The following JMJD1C variants were observed in gnomAD, a reference collection of about 807,000 sequenced individuals.
The protein encoded by JMJD1C is jumonji domain-containing protein 1C.
In JMJD1C, 31 loss-of-function variants were observed where a neutral mutation model predicts 245.3. The ratio of observed to expected loss-of-function variants is 0.13; its 90% CI spans 0.09 to 0.17. The LOEUF (loss-of-function observed/expected upper bound fraction) is 0.17, where lower values mean the gene tolerates loss of function less well. Among genes scored for constraint, JMJD1C ranks in the 10% least tolerant of loss-of-function variants. JMJD1C has a pLI of 1.00. For missense variants in JMJD1C, 2,691 were observed against 3,000.2 expected (o/e 0.90, Z 2.41); for synonymous variants, 1,057 against 1,017.4 (o/e 1.04, Z -0.74).
chr10:63,354,199 T>C (rs974550396), intron 2 of JMJD1C, among the ~76,000 whole-genome samples: 2 of 152,170 alleles, frequency 1.3e-5, no homozygotes, highest in Non-Finnish European at 2.9e-5. Context: ...ACAATATAAA[T>C]AGTAATCCAC....
intron 2 of JMJD1C, among the ~76,000 whole-genome samples, chr10:63,342,619 T>C (rs1943475803): frequency 6.6e-6 from 1 of 152,240 alleles, no homozygotes; most frequent in Non-Finnish European, 1.5e-5. Flanking sequence ...CTGATACAGG[T>C]ATTCTGGTAA....
intron 24 of JMJD1C, 146 bp downstream of exon 24, chr10:63,176,151 G>A (rs1215338690): frequency 2.0e-6 from 1 of 509,658 alleles, no homozygotes; most frequent in Admixed American, 3.4e-5. Flanking sequence ...CAAGCACTGA[G>A]ATGTCATTCT....
intron 24 of JMJD1C, among the ~76,000 whole-genome samples, chr10:63,172,850 G>C (rs985444648): frequency 6.7e-6 from 1 of 149,322 alleles, no homozygotes; most frequent in African/African-American, 2.5e-5. Flanking sequence ...TGGTGTGTGT[G>C]AAAGAAGCAA....
intron 3 of JMJD1C, among the ~76,000 whole-genome samples, chr10:63,238,189 A>AAAAAAG (rs1554850614): frequency 6.6e-5 from 9 of 135,710 alleles, no homozygotes; most frequent in Non-Finnish European, 9.3e-5. Flanking sequence ...TCAAAAAAAA[A>AAAAAAG]AAAAAAGAAA....
At chr10:63,381,337 C>T (rs962093926) in intron 1 of JMJD1C, among the ~76,000 whole-genome samples, 2 of 152,134 alleles carry the variant, frequency 1.3e-5, no homozygotes, top group Non-Finnish European at 2.9e-5. Context: ...GAGACTCTGA[C>T]TCTCACAAAA....
At chr10:63,188,100 T>C (rs1844344245) in intron 18 of JMJD1C, among the ~76,000 whole-genome samples, 1 of 152,248 alleles carries the variant, frequency 6.6e-6, no homozygotes, top group Non-Finnish European at 1.5e-5. Flanking sequence ...TAGACTAGCC[T>C]TTTTGAACTA....
intron 3 of JMJD1C, among the ~76,000 whole-genome samples, chr10:63,237,598 T>C (rs1304764937): frequency 6.6e-6 from 1 of 152,224 alleles, no homozygotes; most frequent in Non-Finnish European, 1.5e-5. Flanking sequence ...TTTGAGTCCA[T>C]CCACTTCCTT....
intron 1 of JMJD1C, among the ~76,000 whole-genome samples, chr10:63,515,973 T>C (rs1031041992): frequency 2.0e-5 from 3 of 152,166 alleles, no homozygotes; most frequent in East Asian, 1.9e-4. Flanking sequence ...TCTATGATTA[T>C]GGTTTCTGAT....
At chr10:63,313,296 G>C (rs1207178830) in intron 2 of JMJD1C, among the ~76,000 whole-genome samples, 2 of 145,834 alleles carry the variant, frequency 1.4e-5, no homozygotes, top group African/African-American at 2.8e-5. Context: ...TTTTATGGCT[G>C]AGTAGTATTC....
chr10:63,421,317 A>G (rs1435872441), intron 1 of JMJD1C, among the ~76,000 whole-genome samples: 2 of 152,208 alleles, frequency 1.3e-5, no homozygotes, highest in Non-Finnish European at 2.9e-5. Flanking sequence ...CTGGGCAAGA[A>G]GAGTGAAACT....
intron 2 of JMJD1C, among the ~76,000 whole-genome samples, chr10:63,331,472 T>C (rs1468826272): frequency 6.6e-6 from 1 of 152,210 alleles, no homozygotes; most frequent in South Asian, 2.1e-4. Context: ...TTTTAGATTA[T>C]GAGGTTTTAA....
chr10:63,500,742 TGGAA>T (rs1250597731), intron 1 of JMJD1C, among the ~76,000 whole-genome samples: 19 of 136,262 alleles, frequency 1.4e-4, no homozygotes, highest in East Asian at 4.1e-4. Context: ...GATGGATGGA[TGGAA>T]GGATGGATGG....
chr10:63,392,867 A>ACACAC (rs1554918146), intron 1 of JMJD1C, among the ~76,000 whole-genome samples: 1 of 112,260 alleles, frequency 8.9e-6, no homozygotes, highest in Non-Finnish European at 1.7e-5. Context: ...AAAGTACATA[A>ACACAC]ACACACACAC....
At chr10:63,192,590 T>G (rs867926393) in intron 16 of JMJD1C, among the ~76,000 whole-genome samples, 2 of 151,796 alleles carry the variant, frequency 1.3e-5, no homozygotes, top group African/African-American at 4.8e-5. Flanking sequence ...AAAAAGAAAA[T>G]TAGGCATGGT....
intron 3 of JMJD1C, among the ~76,000 whole-genome samples, chr10:63,254,706 GT>G (rs71025138): frequency 0.59 from 88,683 of 151,152 alleles, 28,033 homozygotes; most frequent in Non-Finnish European, 0.72. Flanking sequence ...AGTTTTTTTT[GT>G]TTTTTGTTTT....
chr10:63,227,699 T>A (rs1418960658), intron 3 of JMJD1C, among the ~76,000 whole-genome samples: 1 of 152,218 alleles, frequency 6.6e-6, no homozygotes, highest in Non-Finnish European at 1.5e-5. Context: ...ATAAAAACCA[T>A]CTTTGATAGT....
chr10:63,334,855 G>A (rs1330588519), intron 2 of JMJD1C, among the ~76,000 whole-genome samples: 10 of 151,754 alleles, frequency 6.6e-5, no homozygotes, highest in South Asian at 2.1e-4. Flanking sequence ...CTACAGGTGC[G>A]CATCACCACA....
intron 1 of JMJD1C, among the ~76,000 whole-genome samples, chr10:63,492,692 A>G (rs1954215075): frequency 1.3e-5 from 2 of 152,140 alleles, no homozygotes; most frequent in Non-Finnish European, 2.9e-5. Context: ...TATAAAATAA[A>G]ATAAAATAAA....
At chr10:63,205,027 A>G (rs1285611417) in intron 10 of JMJD1C, 32 of 985,182 alleles carry the variant, frequency 3.2e-5, no homozygotes, top group Non-Finnish European at 3.6e-5. Flanking sequence ...GCATTGTGCA[A>G]CATACCTAAA....
Sources: gnomAD v4.1 joint callset for allele counts (sites outside exome capture counted in the v4.1 genomes callset) on GRCh38, gnomAD v4.1.1 for gene constraint, MANE v1.5 for transcripts, NCBI Gene and HGNC (gene_info 2026-07-23, HGNC 2026-07-21) for gene names.